NEB: variants seen among roughly 807,000 people sequenced by gnomAD.
NEB encodes the protein nemaline myopathy type 2.
A neutral mutation model predicts 952.2 loss-of-function variants in NEB; 512 were observed. The observed-to-expected ratio is 0.54, with a 90% CI of 0.50 to 0.58. The LOEUF (loss-of-function observed/expected upper bound fraction) is 0.58, where lower values mean the gene tolerates loss of function less well. Ranked by LOEUF, NEB falls within the 20% of genes least tolerant of loss-of-function variation. NEB has a pLI of 0.00. For synonymous variants in NEB, 2,900 were observed against 3,149.8 expected (o/e 0.92, Z 2.66); for missense variants, 8,428 against 9,231.1 (o/e 0.91, Z 3.56).
chr2:151,609,980 C>T lies in NEB; in HGVS notation c.12159G>A (p.Lys4053=). The T allele has an allele frequency of 6.2e-7, 1 of 1,613,966 alleles. No homozygotes were observed. Among genetic ancestry groups the T allele is most frequent in the Non-Finnish European group, 8.5e-7 (1 of 1,179,866 alleles). Residue 4053 remains lysine, a synonymous_variant, in exon 81 of 182, where the codon AAG becomes AAA. Coordinates refer to ENST00000397345, the MANE Select transcript of NEB (RefSeq NM_001164508.2). ...SEREYKKEFQ[K]WKTKFSSPVD... is the part of the protein sequence containing the mutation. ...CTGGGCTAGAGAACTTGGTTTTCCA[C>T]TTTTGGAATTCCTTCTTGTACTCCC...
rs746376570 is a variant in NEB, at chr2:151,565,812, G to A, written c.18165C>T (p.Tyr6055=). The change falls in exon 115 of 182, where the codon TAC becomes TAT. Residue 6055 remains tyrosine, a synonymous_variant. Transcript: ENST00000397345. ...KAYDLQSDNV[Y]RADLEWLRGI... ...CTCGGAGCCACTCCAGGTCAGCTCT[G>A]TAGACATTCTGAGAGCAGGAAGAGA... is the stretch of plus-strand genomic sequence containing the variant. 3.1e-6 allele frequency: 5 copies of A among 1,607,564 alleles called. No individual in the cohort carries two copies. Among genetic ancestry groups the A allele is most frequent in the Non-Finnish European group, 4.3e-6 (5 of 1,176,126 alleles).
At chr2:151,498,597 TA>T (rs1301599631) in intron 169 of NEB, among the ~76,000 whole-genome samples, 1 of 152,204 alleles carries the variant, frequency 6.6e-6, no homozygotes, top group African/African-American at 2.4e-5. Flanking sequence ...TTGTTTGAAC[TA>T]ATCTCTGCAG....
At chr2:151,697,006 G>A in intron 16 of NEB, 142 bp downstream of exon 16, 1 of 655,428 alleles carries the variant, frequency 1.5e-6, no homozygotes, top group Non-Finnish European at 2.6e-6. Context: ...AGGGAAAATA[G>A]GATGTTTACT....
chr2:151,493,522 T>C lies in NEB; in HGVS notation c.24673-77A>G, dbSNP rs2058135139. The stretch of plus-strand genomic sequence containing the variant: ...GAAAATCATCACTTAGCTGGTGTTA[T>C]GGCTCATGTTATGGCTCAGTTATAT... On this transcript the variant is annotated intron_variant, in intron 175 of 181. Transcript: ENST00000397345. The C allele has an allele frequency of 3.2e-5, 30 of 942,758 alleles. 1 individual carries two copies. In the South Asian group the frequency reaches 4.2e-4, roughly 13 times the overall value. 58.4% of individuals were successfully genotyped at this position (942,758 alleles called of 1,614,324 possible). A position where few individuals can be genotyped will look rare whatever the true frequency, so the allele number is the denominator to read the frequency against.
At position 151,656,219 on chromosome 2, in the gene NEB, C is replaced by T; in HGVS notation, c.6429G>A (p.Lys2143=). The stretch of plus-strand genomic sequence containing the variant: ...TCATTGCATCTGGAAGGAGGATGTA[C>T]TTGTGAATCAGGTGCTTGTAGTTAG... ...TNTNYKHLIH[K]YILLPDAMNI... Residue 2143 remains lysine (K), a synonymous_variant, in exon 49 of 182, where the codon AAG becomes AAA. Coordinates refer to ENST00000397345, the MANE Select transcript of NEB (RefSeq NM_001164508.2). 1.2e-6 allele frequency: 2 copies of T among 1,612,626 alleles called. No individual in the cohort carries two copies. Among genetic ancestry groups the T allele is most frequent in the East Asian group, 4.5e-5 (2 of 44,848 alleles).
chr2:151,687,795 A>T, intron 25 of NEB, 62 bp from the exon 26 acceptor site: 1 of 1,454,348 alleles, frequency 6.9e-7, no homozygotes, highest in Non-Finnish European at 9.4e-7. Context: ...GTAAAAAAAT[A>T]AAAACATATT....
chr2:151,702,165 G>A (rs1369420067), intron 13 of NEB, among the ~76,000 whole-genome samples: 2 of 147,138 alleles, frequency 1.4e-5, no homozygotes, highest in Non-Finnish European at 3.0e-5. Flanking sequence ...TTTCCATGTA[G>A]TTGAGCGGTT....
At chr2:151,605,207 C>T (rs1200549530) in intron 84 of NEB, among the ~76,000 whole-genome samples, 3 of 128,608 alleles carry the variant, frequency 2.3e-5, no homozygotes, top group East Asian at 2.5e-4. Context: ...CCATGTTTTT[C>T]GGTCAAAAAT....
chr2:151,527,705 G>A, intron 146 of NEB, 120 bp from the exon 147 acceptor site: 1 of 693,890 alleles, frequency 1.4e-6, no homozygotes, highest in Non-Finnish European at 2.4e-6. Context: ...CCTAATGCAA[G>A]AGGAAGCCCC....
At chr2:151,631,049 C>T (rs1021516413) in intron 66 of NEB, 94 bp downstream of exon 66, 22 of 1,500,960 alleles carry the variant, frequency 1.5e-5, no homozygotes, top group East Asian at 2.3e-5. Flanking sequence ...AAATGCGACC[C>T]CACGCCTTCA....
intron 138 of NEB, among the ~76,000 whole-genome samples, chr2:151,538,778 C>T (rs1230983844): frequency 6.6e-6 from 1 of 152,146 alleles, no homozygotes; most frequent in Non-Finnish European, 1.5e-5. Flanking sequence ...AACTTCATTT[C>T]ATTATAATCT....
At position 151,607,269 on chromosome 2, in the gene NEB, A is replaced by G. The variant is rs1323907922; in HGVS notation, c.12639+235T>C. Among the ~76,000 whole-genome samples the G allele has an allele frequency of 9.7e-5, 10 of 103,596 alleles. 1 individual carries two copies. Among genetic ancestry groups the G allele is most frequent in the African/African-American group, 2.6e-4 (10 of 39,024 alleles). The allele number at this position is 103,596 out of a possible 152,430, so 68.0% of individuals were successfully genotyped here. On this transcript the variant is annotated intron_variant, in intron 83 of 181. Coordinates refer to ENST00000397345, the MANE Select transcript of NEB (RefSeq NM_001164508.2). ...CTGTTAAGAGTGAAGGAGGACACCA[A>G]AAGGATTCAGGTGTCCCATATCCTG...
rs771427192 is a variant in NEB, at chr2:151,717,382, C to T, written c.822+34G>A. 4 of 1,268,150 alleles carry T rather than the reference C, an allele frequency of 3.2e-6. No individual in the cohort carries two copies. The South Asian group carries it at 4.8e-5, about 15-fold the overall frequency. The allele number at this position is 1,268,150 out of a possible 1,614,324, so 78.6% of individuals were successfully genotyped here. A position where few individuals can be genotyped will look rare whatever the true frequency, so the allele number is the denominator to read the frequency against. On this transcript the variant is annotated intron_variant, in intron 10 of 181. Transcript: ENST00000397345. ...GGTTGAAATTATTAAGCAGAGTCTTCAAGGGAGGCAATGTCCCAGCTCTAT... is the reference window on the plus strand; with the variant it reads ...GGTTGAAATTATTAAGCAGAGTCTTTAAGGGAGGCAATGTCCCAGCTCTAT...
At chr2:151,640,318 C>A (rs2154104519) in intron 61 of NEB, 37 bp downstream of exon 61, 1 of 1,597,598 alleles carries the variant, frequency 6.3e-7, no homozygotes, top group Non-Finnish European at 8.6e-7. Flanking sequence ...TAAATAATTT[C>A]CCACCTCTGC....
intron 10 of NEB, among the ~76,000 whole-genome samples, chr2:151,715,018 G>T (rs1379596371): frequency 6.6e-6 from 1 of 152,174 alleles, no homozygotes; most frequent in Non-Finnish European, 1.5e-5. Context: ...TTAAGACTGG[G>T]AATAAATAAT....
At chr2:151,696,086 C>T (rs2099594278) in intron 17 of NEB, among the ~76,000 whole-genome samples, 1 of 152,158 alleles carries the variant, frequency 6.6e-6, no homozygotes, top group Non-Finnish European at 1.5e-5. Context: ...TCATTTCTGG[C>T]CATTCATCTA....
In NEB at chr2:151,650,295, C is replaced by A. The variant is rs202233025; in HGVS notation, c.7312G>T (p.Ala2438Ser). The A allele has an allele frequency of 1.2e-6, 2 of 1,613,856 alleles. No homozygotes were observed. The highest frequency in any genetic ancestry group is 3.3e-5 in the Admixed American group (2 of 59,992). The change falls in exon 54 of 182, where the codon GCT (alanine) becomes TCT (serine). Residue 2438 changes from alanine to serine, a missense_variant. Physicochemically the swap from Ala to Ser is moderately conservative, Grantham distance 99 (BLOSUM62 1). Around this residue, in one of 11 missense-constraint regions of NEB, gnomAD observed 1,772 missense variants for 1,960.3 expected, o/e 0.90. Transcript: ENST00000397345. ...GSLEAEKNKR[A>S]SEIISEKKYR... Reference sequence around the variant, plus strand: ...TTCTTCTCACTGATGATTTCCGAAGCCCGCTTGTTCTTTTCTGCCTCTAAA... The same window carrying A: ...TTCTTCTCACTGATGATTTCCGAAGACCGCTTGTTCTTTTCTGCCTCTAAA...
At chr2:151,694,282 G>A (rs1559333015) in intron 20 of NEB, 41 bp downstream of exon 20, 20 of 1,529,100 alleles carry the variant, frequency 1.3e-5, no homozygotes, top group Non-Finnish European at 1.8e-5. Flanking sequence ...GCAACTTTGT[G>A]GCCACGTCTG....
chr2:151,571,483 CTAATT>C (rs1374898402), intron 107 of NEB, among the ~76,000 whole-genome samples: 7 of 152,154 alleles, frequency 4.6e-5, no homozygotes, highest in East Asian at 1.9e-4. Flanking sequence ...TTATTTATCT[CTAATT>C]CAATTCAGTT....
Sources: allele counts gnomAD v4.1 joint callset (sites outside exome capture counted in the v4.1 genomes callset), GRCh38; gene constraint gnomAD v4.1.1; regional missense constraint gnomAD v4.1.1; transcripts MANE v1.5; gene names NCBI Gene and HGNC (gene_info 2026-07-23, HGNC 2026-07-21).